The following DNAH7 variants were observed in gnomAD, a reference collection of about 807,000 sequenced individuals.
The protein encoded by DNAH7 is axonemal beta dynein heavy chain 7.
In DNAH7, 397 loss-of-function variants were observed where a neutral mutation model predicts 444.6. The observed-to-expected ratio is 0.89, with a 90% CI of 0.82 to 0.97. DNAH7 has a LOEUF of 0.97. Ranked by LOEUF, DNAH7 falls within the 50% of genes least tolerant of loss-of-function variation. DNAH7 has a pLI of 0.00. For synonymous variants in DNAH7, 1,636 were observed against 1,624.4 expected, an observed-to-expected ratio of 1.01 and a Z score of -0.17; for missense variants, 4,902 against 4,800.8, an observed-to-expected ratio of 1.02 and a Z score of -0.62.
intron 22 of DNAH7, among the ~76,000 whole-genome samples, chr2:195,925,790 T>C (rs1301352503): frequency 6.6e-6 from 1 of 152,208 alleles, no homozygotes; most frequent in South Asian, 2.1e-4. Context: ...TAGTTTCCAG[T>C]TGACCCCTCA....
rs772017524 is a variant in DNAH7, at chr2:195,857,416, C to A, written c.8375G>T (p.Gly2792Val). Residue 2792 changes from glycine (G) to valine (V), a missense_variant, in exon 44 of 65, where the codon GGT becomes GTT. Transcript: ENST00000312428. ...CATTGCTATGACCCATTTGCACAGA[C>A]CTTCGGCCGCTGTAGAAGCATTTCT... ...KIRNASTAAE[G>V]LCKWVIAMDS... The A allele has an allele frequency of 2.5e-6, 4 of 1,607,670 alleles. No homozygotes were observed. The highest frequency in any genetic ancestry group is 3.4e-6 in the Non-Finnish European group (4 of 1,177,564).
At chr2:195,871,494 T>C (rs994146010) in intron 40 of DNAH7, among the ~76,000 whole-genome samples, 1 of 152,052 alleles carries the variant, frequency 6.6e-6, no homozygotes, top group African/African-American at 2.4e-5. Flanking sequence ...CACATACCTA[T>C]TCCCAAGAGA....
In DNAH7 at chr2:196,026,763, T is replaced by C. The variant is rs532346983; in HGVS notation, c.664A>G (p.Ile222Val). 1.4e-5 allele frequency: 22 copies of C among 1,602,660 alleles called. No homozygotes were observed. The highest frequency in any genetic ancestry group is 1.7e-4 in the Middle Eastern group (1 of 6,014). ...TCAAAGCATAATACCAATTTACCTATGGATTTCCTTACACTAAGAAGATAA... is the reference window on the plus strand; with the variant it reads ...TCAAAGCATAATACCAATTTACCTACGGATTTCCTTACACTAAGAAGATAA... ...EDYLLSVRKS[I>V]VDFVLKDPRE... Residue 222 changes from isoleucine to valine, a missense_variant, in exon 7 of 65, where the codon ATA becomes GTA. By Grantham distance (29) the Ile-to-Val change is conservative (BLOSUM62 3). Coordinates refer to ENST00000312428, the MANE Select transcript of DNAH7 (RefSeq NM_018897.3).
chr2:196,022,555 T>C (rs1695444823), intron 8 of DNAH7, among the ~76,000 whole-genome samples: 1 of 152,192 alleles, frequency 6.6e-6, no homozygotes, highest in African/African-American at 2.4e-5. Context: ...CAACTCCTCA[T>C]CTGTTCAAGT....
chr2:195,745,779 A>C (rs955113016), intron 63 of DNAH7, among the ~76,000 whole-genome samples: 4 of 152,168 alleles, frequency 2.6e-5, no homozygotes, highest in African/African-American at 7.2e-5. Context: ...GAAATAAAAT[A>C]CTTTACCGAC....
chr2:195,995,707 C>T (rs528632381), intron 12 of DNAH7: 28 of 177,232 alleles, frequency 1.6e-4, no homozygotes, highest in Non-Finnish European at 2.6e-4. Flanking sequence ...TGGGCAGATG[C>T]GAGGGCGCTG....
chr2:195,789,790 A>C (rs1695792386), intron 57 of DNAH7, among the ~76,000 whole-genome samples: 1 of 152,072 alleles, frequency 6.6e-6, no homozygotes, highest in African/African-American at 2.4e-5. Flanking sequence ...CAAAATGAGA[A>C]ATTTATTAAA....
rs1213072557 is a variant in DNAH7 at position 195,787,076 on chromosome 2, A to C, written c.10812T>G (p.Tyr3604Ter). 4 of 1,612,620 alleles carry C rather than the reference A, an allele frequency of 2.5e-6. No homozygotes were observed. The highest frequency in any genetic ancestry group is 3.4e-6 in the Non-Finnish European group (4 of 1,179,648). The change falls in exon 58 of 65, where the codon TAT (tyrosine) becomes TAG (stop). Residue 3604 changes from tyrosine (Y) to a stop codon, truncating the protein, a stop_gained. Coordinates refer to ENST00000312428, the MANE Select transcript of DNAH7 (RefSeq NM_018897.3). LOFTEE classifies it high-confidence loss of function. Reference protein sequence around the residue: ...KFGPLGWNIPYEFNETDLRIS... With the variant: ...KFGPLGWNIP ...TTCTCAGATCTGTCTCATTGAACTC[A>C]TAAGGAATATTCCACCCTAGGGGTC...
At chr2:195,747,565 A>T (rs113784542) in intron 63 of DNAH7, among the ~76,000 whole-genome samples, 2 of 152,078 alleles carry the variant, frequency 1.3e-5, no homozygotes, top group South Asian at 4.1e-4. Flanking sequence ...ATATCCTTGA[A>T]CATTGATGCA....
At chr2:195,740,648 T>TACAC (rs1424503858) in intron 64 of DNAH7, 118 bp downstream of exon 64, 3 of 60,102 alleles carry the variant, frequency 5.0e-5, no homozygotes, top group African/African-American at 2.6e-4. Context: ...TATATATACA[T>TACAC]ATACACACAC....
chr2:195,771,566 G>A (rs1694840969), intron 61 of DNAH7, 94 bp downstream of exon 61: 1 of 926,370 alleles, frequency 1.1e-6, no homozygotes. Flanking sequence ...CCAAAACAGT[G>A]CTTATACAGT....
chr2:195,892,243 T>C (rs1409767905), intron 30 of DNAH7, among the ~76,000 whole-genome samples: 1 of 152,226 alleles, frequency 6.6e-6, no homozygotes, highest in African/African-American at 2.4e-5. Context: ...AACACTATTC[T>C]AAGTTTATTG....
At position 196,012,795 on chromosome 2, in the gene DNAH7, T is replaced by G. The variant is rs1307330380; in HGVS notation, c.981A>C (p.Leu327=). 12 of 1,599,818 alleles carry G rather than the reference T, an allele frequency of 7.5e-6. No individual in the cohort carries two copies. Among genetic ancestry groups the G allele is most frequent in the Non-Finnish European group, 1.0e-5 (12 of 1,173,746 alleles). Residue 327 remains leucine (L), a synonymous_variant, in exon 10 of 65, where the codon CTA becomes CTC. Transcript: ENST00000312428. ...AAATTTCAAACCTTTACATTTTAAG[T>G]AGAGTCTCTTTGGCAGAGTCCATGT... ...MRHMDSAKET[L]LKMWFPEVQN...
chr2:195,869,050 A>G (rs185983938), intron 40 of DNAH7, among the ~76,000 whole-genome samples: 1 of 152,104 alleles, frequency 6.6e-6, no homozygotes, highest in Non-Finnish European at 1.5e-5. Context: ...TCCTTGTTAC[A>G]CAGCCATGAA....
chr2:196,048,086 A>G (rs1249750733), intron 4 of DNAH7, among the ~76,000 whole-genome samples: 1 of 152,188 alleles, frequency 6.6e-6, no homozygotes, highest in Non-Finnish European at 1.5e-5. Flanking sequence ...AATTCCTAAA[A>G]TATCAGCTCT....
Position 196,019,814 on chromosome 2 carries a change from T to C in DNAH7, c.744-519A>G, listed in dbSNP as rs148609614. ...AAATCACAAACACTAACGTTTTTATTTGAAGACACATTTACAGTTAACCCT... is the reference window on the plus strand; with the variant it reads ...AAATCACAAACACTAACGTTTTTATCTGAAGACACATTTACAGTTAACCCT... On this transcript the variant is annotated intron_variant, in intron 8 of 64. Transcript: ENST00000312428. Among the ~76,000 whole-genome samples the C allele has an allele frequency of 1.9e-3, 292 of 152,342 alleles. 1 individual carries two copies. The highest frequency in any genetic ancestry group is 6.7e-3 in the African/African-American group (277 of 41,580).
intron 18 of DNAH7, among the ~76,000 whole-genome samples, 160 bp from the exon 19 acceptor site, chr2:195,957,607 AC>A (rs1559271874): frequency 7.0e-6 from 1 of 143,214 alleles, no homozygotes; most frequent in Non-Finnish European, 1.5e-5. Flanking sequence ...CAATTGTTAT[AC>A]ATTATATACA....
chr2:196,039,223 A>G (rs778796454), intron 5 of DNAH7, among the ~76,000 whole-genome samples: 1 of 152,248 alleles, frequency 6.6e-6, no homozygotes, highest in Non-Finnish European at 1.5e-5. Flanking sequence ...TGAAAACAGT[A>G]CAAATACAGG....
chr2:195,888,773 A>C, intron 32 of DNAH7, 26 bp downstream of exon 32: 1 of 1,593,566 alleles, frequency 6.3e-7, no homozygotes, highest in African/African-American at 1.4e-5. Context: ...ATAATTTATA[A>C]AAAGATGTCA....
Sources: gnomAD v4.1 joint callset for allele counts (sites outside exome capture counted in the v4.1 genomes callset) on GRCh38, gnomAD v4.1.1 for gene constraint, MANE v1.5 for transcripts, NCBI Gene and HGNC (gene_info 2026-07-23, HGNC 2026-07-21) for gene names.